Variants in TCF12 observed in about 807,000 individuals in gnomAD.
The protein encoded by TCF12 is DNA-binding protein HTF4.
A neutral mutation model predicts 86.0 loss-of-function variants in TCF12; 45 were observed. The observed-to-expected ratio is 0.52, with a 90% CI of 0.41 to 0.67. The LOEUF (loss-of-function observed/expected upper bound fraction) is 0.67, where lower values mean the gene tolerates loss of function less well. Ranked by LOEUF, TCF12 falls within the 30% of genes least tolerant of loss-of-function variation. The pLI is 0.00. For synonymous variants in TCF12, 330 were observed against 299.6 expected (o/e 1.10, Z -1.05); for missense variants, 881 against 859.9 (o/e 1.02, Z -0.31).
At chr15:57,122,869 T>C (rs774894099) in intron 5 of TCF12, among the ~76,000 whole-genome samples, 6 of 152,080 alleles carry the variant, frequency 3.9e-5, no homozygotes, top group Admixed American at 2.6e-4. Flanking sequence ...GTAGAAAAAA[T>C]TGAACAGAGA....
At chr15:57,087,283 G>A (rs1448373149) in intron 4 of TCF12, among the ~76,000 whole-genome samples, 2 of 151,796 alleles carry the variant, frequency 1.3e-5, no homozygotes, top group Non-Finnish European at 2.9e-5. Context: ...GTGGTGGTGT[G>A]TGCCTGTAGT....
chr15:57,168,043 G>A (rs2055029608), intron 6 of TCF12, among the ~76,000 whole-genome samples: 2 of 152,036 alleles, frequency 1.3e-5, no homozygotes, highest in African/African-American at 4.8e-5. Context: ...TGGGCACTGT[G>A]GTTTATACTT....
intron 4 of TCF12, among the ~76,000 whole-genome samples, chr15:57,078,817 G>C (rs2070369033): frequency 6.6e-6 from 1 of 152,152 alleles, no homozygotes; most frequent in African/African-American, 2.4e-5. Context: ...ACTCAAAGCA[G>C]ACAAGAAATC....
intron 5 of TCF12, among the ~76,000 whole-genome samples, chr15:57,142,266 G>T (rs1461649427): frequency 2.0e-5 from 3 of 150,762 alleles, no homozygotes; most frequent in African/African-American, 4.9e-5. Context: ...CTGTGGTGTT[G>T]GATGGGAATT....
At chr15:56,984,518 A>C (rs1192365233) in intron 3 of TCF12, among the ~76,000 whole-genome samples, 2 of 152,168 alleles carry the variant, frequency 1.3e-5, no homozygotes, top group African/African-American at 4.8e-5. Flanking sequence ...ATGTAAAATC[A>C]CAGACAATTA....
At chr15:57,040,400 G>A (rs1422024495) in intron 3 of TCF12, among the ~76,000 whole-genome samples, 2 of 152,138 alleles carry the variant, frequency 1.3e-5, no homozygotes, top group Admixed American at 6.5e-5. Context: ...ATTCAGTATC[G>A]GAAGAAAGCT....
chr15:57,015,402 G>T (rs1314792736), intron 3 of TCF12, among the ~76,000 whole-genome samples: 1 of 152,176 alleles, frequency 6.6e-6, no homozygotes. Context: ...CATAACCAAT[G>T]ATGGCCCCAG....
chr15:57,007,608 A>G (rs1015976037), intron 3 of TCF12, among the ~76,000 whole-genome samples: 18 of 150,232 alleles, frequency 1.2e-4, no homozygotes, highest in African/African-American at 4.2e-4. Context: ...ATGAAGAGGT[A>G]GTATTAGATT....
rs2061990149 is a variant in TCF12, at chr15:57,288,072, A to G, written c.*1927A>G. On this transcript the variant is annotated 3_prime_UTR_variant, in exon 21 of 21. Coordinates refer to ENST00000333725, the MANE Select transcript of TCF12 (RefSeq NM_207037.2). ...ACTGTAGCTAGTCTTTTATACAATA[A>G]TCTTGTAAGAAAATTTCTTGAATTC... 1 of 152,642 alleles carries G rather than the reference A, an allele frequency of 6.6e-6. No individual in the cohort carries two copies. The highest frequency in any genetic ancestry group is 1.5e-5 in the Non-Finnish European group (1 of 68,038). The allele number at this position is 152,642 out of a possible 1,614,324, so 9.5% of individuals were successfully genotyped here.
rs970620548 is a variant in TCF12 at position 57,243,206 on chromosome 15, C to T, written c.1036-266C>T. On this transcript the variant is annotated intron_variant, in intron 12 of 20. Coordinates refer to ENST00000333725, the MANE Select transcript of TCF12 (RefSeq NM_207037.2). The stretch of plus-strand genomic sequence containing the variant: ...GATACTTCTCCTTTTTCTGTTCTAA[C>T]AGAAACTTTAAGTTATTTTCACCTA... Among the ~76,000 whole-genome samples, 6 of 152,270 alleles carry T rather than the reference C, an allele frequency of 3.9e-5. No individual in the cohort carries two copies. In the South Asian group the frequency reaches 1.2e-3, roughly 32 times the overall value.
chr15:57,282,252 A>G, intron 19 of TCF12, 193 bp from the exon 20 acceptor site: 3 of 638,690 alleles, frequency 4.7e-6, no homozygotes, highest in Non-Finnish European at 7.9e-6. Context: ...AAGAAAACAC[A>G]AGATGGTCAC....
intron 3 of TCF12, among the ~76,000 whole-genome samples, chr15:56,961,365 A>G (rs1162701597): frequency 3.3e-5 from 5 of 152,210 alleles, no homozygotes; most frequent in Admixed American, 6.5e-5. Context: ...TTAATGAGCA[A>G]ATGGATTAAC....
intron 5 of TCF12, among the ~76,000 whole-genome samples, chr15:57,156,758 G>T (rs1164579152): frequency 6.6e-6 from 1 of 152,178 alleles, no homozygotes; most frequent in Non-Finnish European, 1.5e-5. Flanking sequence ...ATAAAAAACA[G>T]AGTTAAACAC....
chr15:57,242,797 C>G (rs765743854), intron 12 of TCF12, among the ~76,000 whole-genome samples: 2 of 152,058 alleles, frequency 1.3e-5, no homozygotes, highest in Non-Finnish European at 2.9e-5. Flanking sequence ...TTTATGCATC[C>G]GATAATTTAT....
intron 4 of TCF12, chr15:57,072,823 G>C: frequency 1.4e-6 from 1 of 707,886 alleles, no homozygotes. Context: ...GTAAGAAAAA[G>C]GGTGTGTTTT....
intron 3 of TCF12, among the ~76,000 whole-genome samples, chr15:57,048,376 C>T (rs1018674703): frequency 6.6e-5 from 10 of 152,182 alleles, no homozygotes; most frequent in African/African-American, 2.4e-4. Context: ...ATTCTCCTGC[C>T]TCAGCCTCAC....
chr15:57,012,377 A>C (rs1259040818), intron 3 of TCF12, among the ~76,000 whole-genome samples: 4 of 152,192 alleles, frequency 2.6e-5, no homozygotes, highest in Non-Finnish European at 5.9e-5. Context: ...TTCAGTTAGA[A>C]CTGTTAGAGA....
rs1212528517 is a variant in TCF12, at chr15:56,973,231, TGTAC to T, written c.148+52134_148+52137del. Among the ~76,000 whole-genome samples, 6 of 152,232 alleles carry T rather than the reference TGTAC, an allele frequency of 3.9e-5. No individual in the cohort carries two copies. In the East Asian group the frequency reaches 1.2e-3, roughly 29 times the overall value. Reference sequence around the variant, plus strand: ...AAAATAGTTATAGATGAGACAGGTGTGTACATATATGAATGTGTATGTATGAGTA... The same window carrying T: ...AAAATAGTTATAGATGAGACAGGTGTATATATGAATGTGTATGTATGAGTA... On this transcript the variant is annotated intron_variant, in intron 3 of 20. Transcript: ENST00000333725.
intron 6 of TCF12, among the ~76,000 whole-genome samples, chr15:57,171,231 C>CTT (rs200719307): frequency 2.1e-5 from 3 of 146,178 alleles, no homozygotes; most frequent in Non-Finnish European, 4.5e-5. Flanking sequence ...AGAAAGATAC[C>CTT]TTTTTTTTTT....
Sources: allele counts gnomAD v4.1 joint callset (sites outside exome capture counted in the v4.1 genomes callset), GRCh38; gene constraint gnomAD v4.1.1; transcripts MANE v1.5; gene names NCBI Gene and HGNC (gene_info 2026-07-23, HGNC 2026-07-21).